Variants in NAV2 observed in about 807,000 individuals in gnomAD.
NAV2 encodes neuron navigator 2.
A neutral mutation model predicts 223.2 loss-of-function variants in NAV2; 54 were observed. That is an observed-to-expected ratio of 0.24 (90% confidence interval 0.19 to 0.30). NAV2 has a LOEUF of 0.30. Among genes scored for constraint, NAV2 ranks in the 10% least tolerant of loss-of-function variants. The probability of loss-of-function intolerance (pLI) is 1.00; values close to 1 mark genes in which losing one functional copy is unlikely to be tolerated. For synonymous variants in NAV2, 1,279 were observed against 1,239.3 expected (o/e 1.03, Z -0.67); for missense variants, 2,806 against 3,147.5 (o/e 0.89, Z 2.60).
rs542671424 is a variant in NAV2, at chr11:19,908,096, G to A, written c.931+15502G>A. Among the ~76,000 whole-genome samples the A allele has an allele frequency of 5.9e-5, 9 of 152,338 alleles. No individual in the cohort carries two copies. In the South Asian group the frequency reaches 1.7e-3, roughly 28 times the overall value. ...GCAACCGGAATGGCCACTGCTGGCC[G>A]GAAACTGATCAGAACTGTTCAGTCT... On this transcript the variant is annotated intron_variant, in intron 6 of 37. Coordinates refer to ENST00000349880, the MANE Select transcript of NAV2 (RefSeq NM_145117.5).
chr11:19,469,863 A>G (rs764168983), intron 1 of NAV2, among the ~76,000 whole-genome samples: 2 of 152,164 alleles, frequency 1.3e-5, no homozygotes, highest in Non-Finnish European at 2.9e-5. Context: ...CCCCACAAGA[A>G]CCCCTCACTT....
chr11:20,068,000 G>A (rs374867083), intron 20 of NAV2, among the ~76,000 whole-genome samples, 186 bp from the exon 21 acceptor site: 11 of 152,208 alleles, frequency 7.2e-5, no homozygotes, highest in East Asian at 3.9e-4. Context: ...ATCATAAGCC[G>A]TTTGTATTTG....
intron 1 of NAV2, among the ~76,000 whole-genome samples, chr11:19,594,897 C>T (rs931659579): frequency 1.3e-5 from 2 of 152,198 alleles, no homozygotes; most frequent in Non-Finnish European, 2.9e-5. Context: ...AAGATCCTCT[C>T]TCAAGATGAA....
intron 1 of NAV2, among the ~76,000 whole-genome samples, chr11:19,366,054 G>A (rs1848266449): frequency 6.6e-6 from 1 of 152,206 alleles, no homozygotes; most frequent in South Asian, 2.1e-4. Flanking sequence ...GGGAATTCTT[G>A]TGGGAGATGT....
chr11:19,532,702 TC>T (rs911238070), intron 1 of NAV2, among the ~76,000 whole-genome samples: 3 of 152,208 alleles, frequency 2.0e-5, no homozygotes, highest in Non-Finnish European at 4.4e-5. Flanking sequence ...GCCCCCTGCC[TC>T]CCTGCTGGGA....
intron 1 of NAV2, among the ~76,000 whole-genome samples, chr11:19,371,166 A>G (rs528092847): frequency 6.6e-6 from 1 of 152,370 alleles, no homozygotes; most frequent in African/African-American, 2.4e-5. Flanking sequence ...ACTCTGTGCC[A>G]GACCCCATGT....
intron 1 of NAV2, among the ~76,000 whole-genome samples, chr11:19,547,019 C>A (rs2044520907): frequency 1.3e-5 from 2 of 152,174 alleles, no homozygotes; most frequent in Non-Finnish European, 2.9e-5. Context: ...GAATGGCAGG[C>A]ATAGAATCAG....
chr11:19,627,573 G>A (rs1342026172), intron 1 of NAV2, among the ~76,000 whole-genome samples: 1 of 152,100 alleles, frequency 6.6e-6, no homozygotes, highest in Non-Finnish European at 1.5e-5. Context: ...AGTCTAGTGT[G>A]CCACAGACCT....
chr11:19,623,804 G>C lies in NAV2; in HGVS notation c.76-208680G>C, dbSNP rs571060134. Among the ~76,000 whole-genome samples, 8 of 152,296 alleles carry C rather than the reference G, an allele frequency of 5.3e-5. No individual in the cohort carries two copies. The South Asian group carries it at 1.7e-3, about 32-fold the overall frequency. Reference sequence around the variant, plus strand: ...TCTGTCCAGCTTTATTCCATTGCTGGTGAGGAGCTGTGTTATTCCTTTGGA... The same window carrying C: ...TCTGTCCAGCTTTATTCCATTGCTGCTGAGGAGCTGTGTTATTCCTTTGGA... On this transcript the variant is annotated intron_variant, in intron 1 of 37. Coordinates refer to the NAV2 transcript ENST00000360655.
chr11:19,564,990 C>T (rs1022835824), intron 1 of NAV2, among the ~76,000 whole-genome samples: 1 of 152,144 alleles, frequency 6.6e-6, no homozygotes, highest in East Asian at 1.9e-4. Context: ...ACAAAGATAG[C>T]CAGGAGTGAT....
At chr11:20,093,468 A>G (rs1049696201) in intron 29 of NAV2, among the ~76,000 whole-genome samples, 9 of 152,318 alleles carry the variant, frequency 5.9e-5, no homozygotes, top group Admixed American at 5.2e-4. Context: ...TTAACTAAAC[A>G]CTAACATCCA....
intron 1 of NAV2, among the ~76,000 whole-genome samples, chr11:19,546,899 C>G (rs927098187): frequency 1.3e-5 from 2 of 152,308 alleles, no homozygotes; most frequent in Non-Finnish European, 2.9e-5. Context: ...AGCAAGACAA[C>G]TTCTGTCTCA....
intron 31 of NAV2, among the ~76,000 whole-genome samples, chr11:20,100,424 G>A (rs1476482476): frequency 6.6e-6 from 1 of 152,154 alleles, no homozygotes; most frequent in Non-Finnish European, 1.5e-5. Flanking sequence ...GCACATCTTA[G>A]TGTGGATAGC....
chr11:19,609,339 T>A (rs2046568252), intron 1 of NAV2, among the ~76,000 whole-genome samples: 2 of 151,588 alleles, frequency 1.3e-5, no homozygotes, highest in African/African-American at 2.4e-5. Flanking sequence ...AGTTGCAAAT[T>A]GAGAAAGAGA....
At chr11:19,843,626 A>G (rs12361057) in intron 3 of NAV2, among the ~76,000 whole-genome samples, 124 of 152,310 alleles carry the variant, frequency 8.1e-4, no homozygotes, top group South Asian at 2.1e-3. Context: ...ACAAATTTCA[A>G]GCATGAATAT....
At chr11:19,351,967 C>G (rs985137694) in intron 1 of NAV2, among the ~76,000 whole-genome samples, 14 of 143,310 alleles carry the variant, frequency 9.8e-5, no homozygotes, top group Admixed American at 9.2e-4. Context: ...TTATGTGGCT[C>G]TCTCTGTGAG....
intron 1 of NAV2, among the ~76,000 whole-genome samples, chr11:19,653,823 C>A (rs571377182): frequency 8.5e-5 from 13 of 152,144 alleles, no homozygotes; most frequent in Non-Finnish European, 1.8e-4. Flanking sequence ...CGCATCCCAG[C>A]TGGCAGAGTT....
rs1253961830 is a variant in NAV2 at position 20,080,200 on chromosome 11, G to A, written c.5316G>A (p.Arg1772=). Residue 1772 remains arginine, a synonymous_variant, in exon 25 of 38, where the codon CGG becomes CGA. Transcript: ENST00000349880. ...AGAGTGACTCAAAGAAGAAGAAGCG[G>A]AAGAACTGGGTGAGTGCACATCCAC... ...NIESDSKKKK[R]KNWLRSSFKQ... is the part of the protein sequence containing the mutation. 6.2e-7 allele frequency: 1 copy of A among 1,613,560 alleles called. No homozygotes were observed. The highest frequency in any genetic ancestry group is 1.7e-5 in the Admixed American group (1 of 59,998).
chr11:19,829,104 A>G (rs1813863426), intron 1 of NAV2, among the ~76,000 whole-genome samples: 1 of 152,200 alleles, frequency 6.6e-6, no homozygotes, highest in South Asian at 2.1e-4. Flanking sequence ...CTAAGAAGGG[A>G]TGAGCTGAGG....
Sources: allele counts gnomAD v4.1 joint callset (sites outside exome capture counted in the v4.1 genomes callset), GRCh38; gene constraint gnomAD v4.1.1; transcripts MANE v1.5; gene names NCBI Gene and HGNC (gene_info 2026-07-23, HGNC 2026-07-21).